PPEF2: variants seen among roughly 807,000 people sequenced by gnomAD.
The protein encoded by PPEF2 is protein phosphatase with EF-hand domain 2.
PPEF2 carries 84 observed loss-of-function variants against 84.7 expected under a neutral mutation model. The observed-to-expected ratio is 0.99, with a 90% CI of 0.83 to 1.19. The LOEUF (loss-of-function observed/expected upper bound fraction) is 1.19, where lower values mean the gene tolerates loss of function less well. PPEF2 is among the 50% of genes most tolerant of loss of function. The pLI is 0.00. For synonymous variants in PPEF2, 346 were observed against 345.2 expected, an observed-to-expected ratio of 1.00 and a Z score of -0.03; for missense variants, 924 against 937.5, an observed-to-expected ratio of 0.99 and a Z score of 0.19.
At position 75,860,570 on chromosome 4, in the gene PPEF2, T is replaced by G; in HGVS notation, c.*97A>C. The G allele has an allele frequency of 6.7e-7, 1 of 1,487,028 alleles. No individual in the cohort carries two copies. Among genetic ancestry groups the G allele is most frequent in the Admixed American group, 1.9e-5 (1 of 52,316 alleles). 92.1% of individuals were successfully genotyped at this position (1,487,028 alleles called of 1,614,324 possible). A position where few individuals can be genotyped will look rare whatever the true frequency, so the allele number is the denominator to read the frequency against. On this transcript the variant is annotated 3_prime_UTR_variant, in exon 17 of 17. Coordinates refer to ENST00000286719, the MANE Select transcript of PPEF2 (RefSeq NM_006239.3). ...CTGATGCATATGGATAGGTAAATTT[T>G]CAGCATAAAGTTTCACATGGAGAAT... is the stretch of plus-strand genomic sequence containing the variant.
chr4:75,866,682 C>G (rs1192028614), intron 14 of PPEF2, among the ~76,000 whole-genome samples: 1 of 152,122 alleles, frequency 6.6e-6, no homozygotes, highest in Admixed American at 6.5e-5. Flanking sequence ...TCTGGCAATA[C>G]TTCTGCAAGC....
chr4:75,861,202 C>T (rs56024633), intron 16 of PPEF2, among the ~76,000 whole-genome samples: 15,269 of 152,072 alleles, frequency 0.1, 2,527 homozygotes, highest in African/African-American at 0.35. Context: ...CTACTGGCAT[C>T]TAATAAATAA....
chr4:75,889,938 G>T lies in PPEF2; in HGVS notation c.417+19C>A. The T allele has an allele frequency of 1.9e-6, 3 of 1,613,404 alleles. No homozygotes were observed. Among genetic ancestry groups the T allele is most frequent in the Non-Finnish European group, 2.5e-6 (3 of 1,179,430 alleles). On this transcript the variant is annotated intron_variant, in intron 5 of 16. Transcript: ENST00000286719. ...TTTCATGGAGTTGGTAGTGACCCAG[G>T]TTCCCCAGGTGAGCTTACTTGTTTC...
intron 16 of PPEF2, among the ~76,000 whole-genome samples, chr4:75,861,614 G>GTTTTTTTTTTTTT (rs71210216): frequency 2.3e-5 from 2 of 86,178 alleles, no homozygotes; most frequent in Admixed American, 1.9e-4. Context: ...TTATGCAACA[G>GTTTTTTTTTTTTT]TTTTTTTTTT....
chr4:75,888,894 C>G (rs370760286), intron 5 of PPEF2, among the ~76,000 whole-genome samples: 5 of 152,234 alleles, frequency 3.3e-5, no homozygotes, highest in Non-Finnish European at 7.3e-5. Context: ...TGTCTTAACA[C>G]AGCAACCAGA....
At chr4:75,893,795 A>G (rs1157587425) in intron 2 of PPEF2, among the ~76,000 whole-genome samples, 1 of 152,038 alleles carries the variant, frequency 6.6e-6, no homozygotes, top group Non-Finnish European at 1.5e-5. Context: ...GATGAGACAT[A>G]CGTATTACAT....
intron 16 of PPEF2, among the ~76,000 whole-genome samples, chr4:75,862,757 T>TAAAC (rs1183120865): frequency 1.3e-5 from 2 of 152,102 alleles, no homozygotes; most frequent in Non-Finnish European, 2.9e-5. Context: ...CTCAAAAAGT[T>TAAAC]AAACATAGAA....
At chr4:75,888,831 G>A (rs770647156) in intron 5 of PPEF2, among the ~76,000 whole-genome samples, 1 of 152,228 alleles carries the variant, frequency 6.6e-6, no homozygotes, top group Non-Finnish European at 1.5e-5. Flanking sequence ...TCGCTTGGAC[G>A]ATTGCAGTAG....
chr4:75,891,775 G>A (rs1246836149), intron 3 of PPEF2, 70 bp from the exon 4 acceptor site: 2 of 1,596,248 alleles, frequency 1.3e-6, no homozygotes, highest in Non-Finnish European at 1.7e-6. Context: ...AGTCCAGTTG[G>A]CCTCACTTTA....
In PPEF2 at chr4:75,900,145, A is replaced by G. The variant is rs150363448; in HGVS notation, c.-59+2085T>C. ...TATGTTCTTGGAGGCAGTAAAAGGC[A>G]TACTATTTCAATGCTGCATGAATCA... On this transcript the variant is annotated intron_variant, in intron 1 of 16. Transcript: ENST00000286719. Among the ~76,000 whole-genome samples, 527 of 152,364 alleles carry G rather than the reference A, an allele frequency of 3.5e-3. 2 individuals carry two copies. The highest frequency in any genetic ancestry group is 7.5e-3 in the Admixed American group (115 of 15,296).
chr4:75,891,681 T>A lies in PPEF2; in HGVS notation c.208A>T (p.Met70Leu), dbSNP rs1048212891. The change falls in exon 4 of 17, where the codon ATG (methionine) becomes TTG (leucine). Residue 70 changes from methionine to leucine, a missense_variant. By Grantham distance (15) the Met-to-Leu change is conservative. Coordinates refer to ENST00000286719, the MANE Select transcript of PPEF2 (RefSeq NM_006239.3). ...VKLHDFFSYLMDHFIPSSHND... is the reference protein window; with the variant it reads ...VKLHDFFSYLLDHFIPSSHND... ...TGGCTGCTGGGGATGAAGTGATCCA[T>A]GAGATAGCTGAAGAAGTCATGGAGC... The A allele has an allele frequency of 7.4e-6, 12 of 1,611,696 alleles. No individual in the cohort carries two copies. The highest frequency in any genetic ancestry group is 1.0e-5 in the Non-Finnish European group (12 of 1,179,060).
At position 75,890,091 on chromosome 4, in the gene PPEF2, G is replaced by A; in HGVS notation, c.283C>T (p.Gln95Ter). ...TRIFTEDRFA[Q>*]DSEMKKCSDY... is the part of the protein sequence containing the mutation. ...CTGCATTTCTTCATCTCGGAGTCCT[G>A]GGCGAATCTGTCCTCAGTGAATATG... Residue 95 changes from glutamine to a stop codon, truncating the protein, a stop_gained, in exon 5 of 17, where the codon CAG becomes TAG. Transcript: ENST00000286719. LOFTEE classifies it high-confidence loss of function. The A allele has an allele frequency of 6.2e-7, 1 of 1,614,058 alleles. No homozygotes were observed. Among genetic ancestry groups the A allele is most frequent in the Non-Finnish European group, 8.5e-7 (1 of 1,180,016 alleles).
chr4:75,894,674 T>C (rs1408583508), intron 2 of PPEF2, among the ~76,000 whole-genome samples: 2 of 152,110 alleles, frequency 1.3e-5, no homozygotes, highest in African/African-American at 4.8e-5. Context: ...TCCTGGGTTC[T>C]GTGCATGGCA....
At chr4:75,889,614 C>T (rs764606085) in intron 5 of PPEF2, among the ~76,000 whole-genome samples, 8 of 152,154 alleles carry the variant, frequency 5.3e-5, no homozygotes, top group Admixed American at 1.3e-4. Context: ...TGTCTGCCTC[C>T]CCGATGGAAT....
At chr4:75,890,473 A>G (rs1724850505) in intron 4 of PPEF2, among the ~76,000 whole-genome samples, 1 of 121,514 alleles carries the variant, frequency 8.2e-6, no homozygotes, top group South Asian at 2.9e-4. Context: ...TGAACGATAG[A>G]GTGAGACCCT....
At chr4:75,881,807 G>C (rs569062431) in intron 10 of PPEF2, 1 of 151,968 alleles carries the variant, frequency 6.6e-6, no homozygotes, top group East Asian at 1.9e-4. Context: ...CCTATTCCAG[G>C]GTTCAAACCC....
At chr4:75,861,278 C>T (rs1723992796) in intron 16 of PPEF2, among the ~76,000 whole-genome samples, 2 of 152,102 alleles carry the variant, frequency 1.3e-5, no homozygotes, top group South Asian at 4.1e-4. Context: ...GAATTATCAA[C>T]AGTACCACTG....
At chr4:75,897,828 C>A (rs1232042855) in intron 1 of PPEF2, among the ~76,000 whole-genome samples, 1 of 152,118 alleles carries the variant, frequency 6.6e-6, no homozygotes, top group Non-Finnish European at 1.5e-5. Flanking sequence ...CTGCCGAGAC[C>A]AGCTCAGTCA....
At chr4:75,864,069 C>T (rs1724071724) in intron 16 of PPEF2, among the ~76,000 whole-genome samples, 1 of 151,912 alleles carries the variant, frequency 6.6e-6, no homozygotes, top group African/African-American at 2.4e-5. Context: ...GACTGGGTTT[C>T]TTCATGTTGG....
Sources: allele counts gnomAD v4.1 joint callset (sites outside exome capture counted in the v4.1 genomes callset), GRCh38; gene constraint gnomAD v4.1.1; transcripts MANE v1.5; gene names NCBI Gene and HGNC (gene_info 2026-07-23, HGNC 2026-07-21).